The following NEXMIF variants were observed in gnomAD, a reference collection of about 807,000 sequenced individuals.
NEXMIF encodes neurite extension and migration factor.
Under a neutral mutation model 62.1 loss-of-function variants are expected in NEXMIF, and 8 were observed. The observed-to-expected ratio is 0.13, with a 90% CI of 0.08 to 0.23. NEXMIF has a LOEUF of 0.23. Among genes scored for constraint, NEXMIF ranks in the 10% least tolerant of loss-of-function variants. NEXMIF has a pLI of 1.00. For missense variants in NEXMIF, 976 were observed against 1,113.3 expected, an observed-to-expected ratio of 0.88 and a Z score of 1.75; for synonymous variants, 404 against 416.6, an observed-to-expected ratio of 0.97 and a Z score of 0.37.
intron 1 of NEXMIF, among the ~76,000 whole-genome samples, chrX:74,820,330 T>TATAATA (rs759039271): frequency 7.2e-4 from 78 of 108,303 alleles, no homozygotes; most frequent in Non-Finnish European, 1.2e-3. Context: ...GAACTTAAAG[T>TATAATA]ATAATAATAA....
At chrX:74,913,347 A>G (rs2080796951) in intron 1 of NEXMIF, among the ~76,000 whole-genome samples, 1 of 111,975 alleles carries the variant, frequency 8.9e-6, no homozygotes, top group African/African-American at 3.2e-5. Flanking sequence ...GATAGAAACT[A>G]TCTAGTCTGA....
At chrX:74,757,938 T>C (rs1388787459) in intron 1 of NEXMIF, among the ~76,000 whole-genome samples, 1 of 111,996 alleles carries the variant, frequency 8.9e-6, no homozygotes, top group Non-Finnish European at 1.9e-5. Flanking sequence ...AATAACCTTT[T>C]AATCCAGTGC....
At chrX:74,751,323 G>C (rs771445599) in intron 1 of NEXMIF, among the ~76,000 whole-genome samples, 3 of 111,785 alleles carry the variant, frequency 2.7e-5, no homozygotes, top group African/African-American at 9.7e-5. Flanking sequence ...CATTAGCTAG[G>C]TGTCCTCAGA....
chrX:74,865,204 T>C (rs1342308724), intron 1 of NEXMIF, among the ~76,000 whole-genome samples: 2 of 111,872 alleles, frequency 1.8e-5, no homozygotes, highest in Non-Finnish European at 3.8e-5. Flanking sequence ...TCCTAGAGAC[T>C]TGTTCAATGG....
In NEXMIF at chrX:74,909,384, C is replaced by T. The variant is rs186049260; in HGVS notation, c.-48+15499G>A. Among the ~76,000 whole-genome samples the T allele has an allele frequency of 9.5e-3, 1,062 of 111,451 alleles. 7 individuals are homozygous for T. The highest frequency in any genetic ancestry group is 0.015 in the Non-Finnish European group (771 of 53,052). On this transcript the variant is annotated intron_variant, in intron 1 of 3. Coordinates refer to ENST00000055682, the MANE Select transcript of NEXMIF (RefSeq NM_001008537.3). Reference sequence around the variant, plus strand: ...AGCAAAGAGACTGGTGGCATTTTGCCCCTGCCCTAGAGATTTGTGGAACTT... The same window carrying T: ...AGCAAAGAGACTGGTGGCATTTTGCTCCTGCCCTAGAGATTTGTGGAACTT...
chrX:74,824,476 T>C (rs1244161467), intron 1 of NEXMIF, among the ~76,000 whole-genome samples: 1 of 111,998 alleles, frequency 8.9e-6, no homozygotes, highest in East Asian at 2.8e-4. Context: ...AGCATTCCAT[T>C]GTGTATATGT....
chrX:74,764,619 G>T (rs1602220837), intron 1 of NEXMIF, among the ~76,000 whole-genome samples: 1 of 111,336 alleles, frequency 9.0e-6, no homozygotes, highest in Middle Eastern at 4.6e-3. Flanking sequence ...TGGTTGGTAG[G>T]GTTTTTATTA....
At position 74,743,177 on chromosome X, in the gene NEXMIF, A is replaced by G; in HGVS notation, c.1380T>C (p.Ser460=). 1.7e-6 allele frequency: 2 copies of G among 1,210,900 alleles called. No individual in the cohort carries two copies. Among genetic ancestry groups the G allele is most frequent in the Non-Finnish European group, 2.2e-6 (2 of 895,114 alleles). ...AATTAGTGTCCCGAGCCATATAGCG[A>G]CTACAGTCCTTGATCTCACCCATAG... ...YDAMGEIKDC[S]RYMARDTNSG... The change falls in exon 3 of 4, where the codon AGT becomes AGC. Residue 460 remains serine, a synonymous_variant. Coordinates refer to ENST00000055682, the MANE Select transcript of NEXMIF (RefSeq NM_001008537.3).
intron 1 of NEXMIF, among the ~76,000 whole-genome samples, chrX:74,750,925 T>C (rs1358552179): frequency 6.3e-5 from 7 of 111,559 alleles, no homozygotes; most frequent in Non-Finnish European, 1.3e-4. Context: ...TCCTCTCTCA[T>C]GATAAAGATT....
At chrX:74,878,820 G>T (rs1020498727) in intron 1 of NEXMIF, among the ~76,000 whole-genome samples, 1 of 112,409 alleles carries the variant, frequency 8.9e-6, no homozygotes, top group Non-Finnish European at 1.9e-5. Context: ...CGCTTCCCGT[G>T]TGAAGCAATG....
chrX:74,855,529 T>C lies in NEXMIF; in HGVS notation c.-48+69354A>G, dbSNP rs755761396. ...GGAATGAAATTTCTATGGGGCGATT[T>C]GAAAAACTCACATATTCCTGGAATT... On this transcript the variant is annotated intron_variant, in intron 1 of 3. Transcript: ENST00000055682. Among the ~76,000 whole-genome samples the C allele has an allele frequency of 2.0e-3, 222 of 111,863 alleles. 3 individuals carry two copies. Among genetic ancestry groups the C allele is most frequent in the Non-Finnish European group, 1.4e-3 (74 of 53,208 alleles).
At chrX:74,866,589 G>A (rs2080580119) in intron 1 of NEXMIF, among the ~76,000 whole-genome samples, 1 of 112,449 alleles carries the variant, frequency 8.9e-6, no homozygotes, top group Admixed American at 9.4e-5. Context: ...GTTTGGTTGT[G>A]TCCCCACGCA....
rs1478486270 is a variant in NEXMIF, at chrX:74,738,364, T to C, written c.*1041A>G. 1 of 111,544 alleles carries C rather than the reference T, an allele frequency of 9.0e-6. No individual in the cohort carries two copies. The highest frequency in any genetic ancestry group is 1.9e-5 in the Non-Finnish European group (1 of 53,067). 9.2% of individuals were successfully genotyped at this position (111,544 alleles called of 1,213,427 possible). The stretch of plus-strand genomic sequence containing the variant: ...CATTTTCTTTAAATGACATTGGCAT[T>C]GCAAGATTAAACACTGAAAGAACAC... On this transcript the variant is annotated 3_prime_UTR_variant, in exon 4 of 4. Coordinates refer to ENST00000055682, the MANE Select transcript of NEXMIF (RefSeq NM_001008537.3).
chrX:74,877,895 A>G, intron 1 of NEXMIF, among the ~76,000 whole-genome samples: 1 of 110,900 alleles, frequency 9.0e-6, no homozygotes, highest in Non-Finnish European at 1.9e-5. Context: ...CATTCTTCTA[A>G]ATTGTTTTCA....
intron 1 of NEXMIF, among the ~76,000 whole-genome samples, chrX:74,768,064 A>G (rs1476498065): frequency 9.0e-6 from 1 of 111,459 alleles, no homozygotes; most frequent in Non-Finnish European, 1.9e-5. Flanking sequence ...CGTGTGCCTT[A>G]CCAGCTGCTC....
chrX:74,845,689 A>T (rs1294346387), intron 1 of NEXMIF, among the ~76,000 whole-genome samples: 1 of 111,702 alleles, frequency 9.0e-6, no homozygotes, highest in Non-Finnish European at 1.9e-5. Context: ...TAAGTGGACA[A>T]TGTATAATGG....
intron 1 of NEXMIF, among the ~76,000 whole-genome samples, chrX:74,885,680 A>T (rs895970976): frequency 9.8e-5 from 11 of 111,751 alleles, no homozygotes; most frequent in Non-Finnish European, 1.9e-4. Flanking sequence ...AAAAAAGTCC[A>T]GGGACCAGAC....
At chrX:74,878,244 G>A (rs751633696) in intron 1 of NEXMIF, among the ~76,000 whole-genome samples, 2 of 109,720 alleles carry the variant, frequency 1.8e-5, no homozygotes, top group African/African-American at 3.3e-5. Flanking sequence ...TGGAGTACCC[G>A]GCCGTGTGAG....
intron 1 of NEXMIF, among the ~76,000 whole-genome samples, chrX:74,815,874 T>A (rs2080374524): frequency 9.1e-6 from 1 of 110,430 alleles, no homozygotes; most frequent in African/African-American, 3.3e-5. Flanking sequence ...GACCTCGTGA[T>A]CCACCCGCCT....
Sources: gnomAD v4.1 joint callset for allele counts (sites outside exome capture counted in the v4.1 genomes callset) on GRCh38, gnomAD v4.1.1 for gene constraint, MANE v1.5 for transcripts, NCBI Gene and HGNC (gene_info 2026-07-23, HGNC 2026-07-21) for gene names.